Variants in PRKCA observed in about 807,000 individuals in gnomAD.
The protein encoded by PRKCA is protein kinase C alpha type.
Under a neutral mutation model 87.0 loss-of-function variants are expected in PRKCA, and 27 were observed. That is an observed-to-expected ratio of 0.31 (90% CI 0.23 to 0.43). The LOEUF (loss-of-function observed/expected upper bound fraction) is 0.43, where lower values mean the gene tolerates loss of function less well. Among genes scored for constraint, PRKCA ranks in the 20% least tolerant of loss-of-function variants. PRKCA has a pLI of 1.00. For missense variants in PRKCA, 518 were observed against 852.3 expected (o/e 0.61, Z 4.88); for synonymous variants, 329 against 311.1 (o/e 1.06, Z -0.61).
In PRKCA at chr17:66,742,759, A is replaced by C. The variant is rs757811919; in HGVS notation, c.1523A>C (p.Glu508Ala). 6.2e-7 allele frequency: 1 copy of C among 1,613,702 alleles called. No homozygotes were observed. The highest frequency in any genetic ancestry group is 8.5e-7 in the Non-Finnish European group (1 of 1,179,962). ...GGGACTCCAGATTATATCGCCCCAG[A>C]GGTAGGAACCCCAGTGATCGTTTTC... ...FCGTPDYIAP[E>A]IIAYQPYGKS... The change falls in exon 13 of 17, where the codon GAG (glutamate) becomes GCG (alanine). Residue 508 changes from glutamate to alanine, a missense_variant and splice_region_variant. Transcript: ENST00000413366.
chr17:66,382,939 A>G (rs1212299267), intron 2 of PRKCA, among the ~76,000 whole-genome samples: 1 of 126,098 alleles, frequency 7.9e-6, no homozygotes, highest in African/African-American at 3.2e-5. Flanking sequence ...ACACATAATA[A>G]TCCCACCCCT....
chr17:66,402,569 C>T (rs192934905), intron 2 of PRKCA, among the ~76,000 whole-genome samples: 1 of 152,098 alleles, frequency 6.6e-6, no homozygotes, highest in Non-Finnish European at 1.5e-5. Context: ...CTCATCAAAT[C>T]CATCCAACAA....
In PRKCA at chr17:66,357,053, C is replaced by A. The variant is rs150515572; in HGVS notation, c.205+50926C>A. Among the ~76,000 whole-genome samples, 319 of 152,318 alleles carry A rather than the reference C, an allele frequency of 2.1e-3. 2 individuals are homozygous for A. The highest frequency in any genetic ancestry group is 7.3e-3 in the African/African-American group (305 of 41,572). The stretch of plus-strand genomic sequence containing the variant: ...GGGATTATAGGCGTGAGCCACCACG[C>A]CCAGCCAAAATGAATTCTTTGGGGT... On this transcript the variant is annotated intron_variant, in intron 2 of 16. Transcript: ENST00000413366.
chr17:66,778,084 C>T (rs1457013881), intron 14 of PRKCA: 1 of 985,314 alleles, frequency 1.0e-6, no homozygotes, highest in Non-Finnish European at 1.2e-6. Flanking sequence ...AAGCTCACGC[C>T]CCCTGGAGAG....
intron 3 of PRKCA, among the ~76,000 whole-genome samples, chr17:66,616,428 C>G (rs969936552): frequency 2.0e-5 from 3 of 152,202 alleles, no homozygotes; most frequent in African/African-American, 7.2e-5. Context: ...GGTGAAGGCC[C>G]TCTGTGGCTT....
intron 3 of PRKCA, among the ~76,000 whole-genome samples, chr17:66,621,208 TA>T (rs1221236768): frequency 3.9e-5 from 6 of 152,218 alleles, no homozygotes; most frequent in African/African-American, 1.4e-4. Context: ...TTCAGGAACC[TA>T]ACAGAGCCAA....
chr17:66,729,026 CTT>C (rs1414261181), intron 8 of PRKCA, among the ~76,000 whole-genome samples: 3 of 152,198 alleles, frequency 2.0e-5, no homozygotes, highest in African/African-American at 4.8e-5. Context: ...TTTCTGGTAA[CTT>C]TTTTCTTATT....
At chr17:66,462,130 A>G (rs1248083126) in intron 2 of PRKCA, among the ~76,000 whole-genome samples, 1 of 152,138 alleles carries the variant, frequency 6.6e-6, no homozygotes, top group Non-Finnish European at 1.5e-5. Flanking sequence ...TTTGAACTCA[A>G]GTTGGACAGA....
At chr17:66,414,326 C>T (rs545486785) in intron 2 of PRKCA, among the ~76,000 whole-genome samples, 54 of 152,270 alleles carry the variant, frequency 3.5e-4, no homozygotes, top group Middle Eastern at 6.8e-3. Flanking sequence ...TAGCACCTCC[C>T]TGCTCCCTCT....
chr17:66,725,740 G>A (rs1390099458), intron 8 of PRKCA, among the ~76,000 whole-genome samples: 1 of 151,868 alleles, frequency 6.6e-6, no homozygotes. Flanking sequence ...AGGTCAGGAG[G>A]TTGAGGTTGC....
chr17:66,614,614 C>T (rs1263137713), intron 3 of PRKCA, among the ~76,000 whole-genome samples: 1 of 152,156 alleles, frequency 6.6e-6, no homozygotes, highest in African/African-American at 2.4e-5. Flanking sequence ...CTACATGGGC[C>T]TCAGTTTCCT....
chr17:66,363,271 G>T (rs1908505196), intron 2 of PRKCA, among the ~76,000 whole-genome samples: 1 of 152,164 alleles, frequency 6.6e-6, no homozygotes, highest in Admixed American at 6.5e-5. Context: ...ATTTTATTTA[G>T]TCAACCCTTT....
At chr17:66,559,615 A>G (rs1968620851) in intron 3 of PRKCA, among the ~76,000 whole-genome samples, 1 of 151,266 alleles carries the variant, frequency 6.6e-6, no homozygotes, top group South Asian at 2.1e-4. Context: ...ACTGTCCAAT[A>G]AGGCAAATTT....
chr17:66,517,099 C>A (rs909356681), intron 3 of PRKCA, among the ~76,000 whole-genome samples: 1 of 152,128 alleles, frequency 6.6e-6, no homozygotes, highest in African/African-American at 2.4e-5. Context: ...TCCTGGCCAA[C>A]ATGGTGAAAC....
intron 5 of PRKCA, among the ~76,000 whole-genome samples, chr17:66,652,291 A>G (rs1461560023): frequency 1.3e-5 from 2 of 152,226 alleles, no homozygotes; most frequent in Admixed American, 6.5e-5. Context: ...ATGAGGAGAC[A>G]TGATTACCAA....
chr17:66,673,135 A>G (rs1193584836), intron 5 of PRKCA, among the ~76,000 whole-genome samples: 2 of 152,232 alleles, frequency 1.3e-5, no homozygotes, highest in African/African-American at 4.8e-5. Context: ...CATCAGAATT[A>G]TAGAACTTTA....
rs1173443573 is a variant in PRKCA at position 66,732,970 on chromosome 17, T to G, written c.1056+145T>G. ...ATCAAGACCATCCTGGCTAACACGG[T>G]GAAGCCCCATCTCTACTAAAAATAC... is the stretch of plus-strand genomic sequence containing the variant. On this transcript the variant is annotated intron_variant, in intron 9 of 16. Coordinates refer to ENST00000413366, the MANE Select transcript of PRKCA (RefSeq NM_002737.3). The G allele has an allele frequency of 2.9e-6, 3 of 1,034,134 alleles. No homozygotes were observed. The Admixed American group carries it at 8.8e-5, about 30-fold the overall frequency. 64.1% of individuals were successfully genotyped at this position (1,034,134 alleles called of 1,614,324 possible). A position where few individuals can be genotyped will look rare whatever the true frequency, so the allele number is the denominator to read the frequency against.
rs1360627231 is a variant in PRKCA at position 66,755,247 on chromosome 17, CA to C, written c.1524+12488del. Among the ~76,000 whole-genome samples the C allele has an allele frequency of 2.0e-5, 3 of 152,226 alleles. No homozygotes were observed. The East Asian group carries it at 5.8e-4, about 29-fold the overall frequency. On this transcript the variant is annotated intron_variant, in intron 13 of 16. Transcript: ENST00000413366. ...CAGAAAATCGCACCCCACGCCCCCCCAGTGCACATTCCAGACTTGGAGAAGC... is the reference window on the plus strand; with the variant it reads ...CAGAAAATCGCACCCCACGCCCCCCCGTGCACATTCCAGACTTGGAGAAGC...
At chr17:66,740,394 AG>A (rs1444245137) in intron 11 of PRKCA, among the ~76,000 whole-genome samples, 23 of 152,172 alleles carry the variant, frequency 1.5e-4, no homozygotes, top group African/African-American at 5.1e-4. Flanking sequence ...TTAGTTCCGC[AG>A]TGAGGAAACC....
Sources: allele counts gnomAD v4.1 joint callset (sites outside exome capture counted in the v4.1 genomes callset), GRCh38; gene constraint gnomAD v4.1.1; transcripts MANE v1.5; gene names NCBI Gene and HGNC (gene_info 2026-07-23, HGNC 2026-07-21).